LPA: variants seen among roughly 807,000 people sequenced by gnomAD.
LPA encodes lipoprotein(a).
LPA carries 199 observed loss-of-function variants against 197.9 expected under a neutral mutation model. That is an observed-to-expected ratio of 1.01 (90% CI 0.90 to 1.13). The LOEUF is 1.13. Among genes scored for constraint, LPA ranks in the 50% most tolerant of loss-of-function variants. The probability of loss-of-function intolerance (pLI) is 0.00; values close to 1 mark genes in which losing one functional copy is unlikely to be tolerated. For missense variants in LPA, 1,853 were observed against 1,785.8 expected, an observed-to-expected ratio of 1.04 and a Z score of -0.68; for synonymous variants, 715 against 639.5, an observed-to-expected ratio of 1.12 and a Z score of -1.78.
chr6:160,606,409 AGT>A, intron 17 of LPA, 66 bp downstream of exon 17: 2 of 1,575,080 alleles, frequency 1.3e-6, no homozygotes, highest in East Asian at 4.5e-5. Context: ...CTGCTGCATC[AGT>A]GGGAATTTCC....
chr6:160,566,329 C>A (rs1583582943), intron 28 of LPA, among the ~76,000 whole-genome samples: 1 of 151,656 alleles, frequency 6.6e-6, no homozygotes, highest in Admixed American at 6.6e-5. Context: ...AGAGTGGCAG[C>A]CAATATTCAA....
At chr6:160,583,377 G>C (rs1201547903) in intron 26 of LPA, among the ~76,000 whole-genome samples, 1 of 152,062 alleles carries the variant, frequency 6.6e-6, no homozygotes, top group African/African-American at 2.4e-5. Context: ...TTTAGACTTG[G>C]TTTCTAAGCT....
chr6:160,611,995 G>C (rs1319685330), intron 15 of LPA, among the ~76,000 whole-genome samples: 2 of 16,418 alleles, frequency 1.2e-4, no homozygotes, highest in Admixed American at 2.3e-3. Flanking sequence ...TGCAAAGTGC[G>C]CTCACGAAGT....
chr6:160,596,480 GCTTTT>G (rs1181458346), intron 20 of LPA, among the ~76,000 whole-genome samples: 91 of 151,840 alleles, frequency 6.0e-4, no homozygotes, highest in Non-Finnish European at 1.1e-3. Context: ...ATTCCAAAGA[GCTTTT>G]CTTTTTCAAA....
chr6:160,576,368 A>ATATATATATATATATATGTG, intron 28 of LPA, among the ~76,000 whole-genome samples: 1 of 7,232 alleles, frequency 1.4e-4, no homozygotes, highest in South Asian at 6.1e-3. Flanking sequence ...ATATATATAC[A>ATATATATATATATATATGTG]TATATATATA....
At chr6:160,564,388 C>T (rs1778413746) in intron 28 of LPA, among the ~76,000 whole-genome samples, 1 of 151,858 alleles carries the variant, frequency 6.6e-6, no homozygotes. Flanking sequence ...GTTGAATATT[C>T]TACATCTTTC....
At chr6:160,610,804 A>T (rs190800884) in intron 16 of LPA, among the ~76,000 whole-genome samples, 1 of 152,244 alleles carries the variant, frequency 6.6e-6, no homozygotes, top group Admixed American at 6.5e-5. Context: ...AAGAAAGCCA[A>T]GGCATCTATG....
In LPA at chr6:160,590,966, C is replaced by T. The variant is rs141195240; in HGVS notation, c.3765G>A (p.Thr1255=). The T allele has an allele frequency of 2.2e-4, 356 of 1,613,954 alleles. No homozygotes were observed. The East Asian group carries it at 3.6e-3, about 16-fold the overall frequency. ...TACCTTGTTCAGAAACAGCCGTGGA[C>T]GTCGCAAGGACACTTGATTCTGTCA... ...CPVTESSVLA[T]STAVSEQAPT... Residue 1255 remains threonine (T), a synonymous_variant, in exon 23 of 39, where the codon ACG becomes ACA. Transcript: ENST00000316300.
intron 28 of LPA, among the ~76,000 whole-genome samples, chr6:160,560,765 G>C (rs555537174): frequency 6.6e-6 from 1 of 152,010 alleles, no homozygotes; most frequent in Admixed American, 6.6e-5. Context: ...TTTTTGCTGT[G>C]CAGAAGCTCT....
At chr6:160,587,289 C>A (rs1351186457) in intron 24 of LPA, among the ~76,000 whole-genome samples, 1 of 152,176 alleles carries the variant, frequency 6.6e-6, no homozygotes, top group Non-Finnish European at 1.5e-5. Context: ...AAGAACCTAA[C>A]TTTCTGTTTC....
chr6:160,603,257 T>TGTGTGTGC (rs1221614109), intron 18 of LPA, among the ~76,000 whole-genome samples: 4 of 151,760 alleles, frequency 2.6e-5, no homozygotes, highest in South Asian at 2.1e-4. Flanking sequence ...TGTGTGTGTG[T>TGTGTGTGC]GTGCGTGCAT....
intron 34 of LPA, among the ~76,000 whole-genome samples, 154 bp from the exon 35 acceptor site, chr6:160,541,335 C>T (rs982379702): frequency 2.7e-5 from 4 of 146,840 alleles, no homozygotes; most frequent in South Asian, 2.1e-4. Context: ...GTAGAAACTT[C>T]GAGCTGTGCT....
intron 28 of LPA, among the ~76,000 whole-genome samples, chr6:160,569,021 T>C (rs1302595086): frequency 6.6e-6 from 1 of 152,124 alleles, no homozygotes; most frequent in East Asian, 1.9e-4. Context: ...TGCTCATGGA[T>C]AGGAAGAATC....
chr6:160,599,741 A>T, intron 19 of LPA, 82 bp from the exon 20 acceptor site: 1 of 1,469,586 alleles, frequency 6.8e-7, no homozygotes, highest in Non-Finnish European at 9.5e-7. Context: ...ATAAACCAAA[A>T]AAGAGTCACT....
rs1271854408 is a variant in LPA, at chr6:160,585,093, A to T, written c.4242T>A (p.Ser1414=). 1 of 1,613,752 alleles carries T rather than the reference A, an allele frequency of 6.2e-7. No individual in the cohort carries two copies. The highest frequency in any genetic ancestry group is 1.7e-5 in the Admixed American group (1 of 59,996). The change falls in exon 26 of 39, where the codon TCT becomes TCA. Residue 1414 remains serine, a synonymous_variant. Coordinates refer to ENST00000316300, the MANE Select transcript of LPA (RefSeq NM_005577.4). ...ITGRTCQSWS[S]MTPHWHRRIP... ...TCCTCCGATGCCAATGTGGTGTCAT[A>T]GACGACCAAGACTGACATGTTCTTC...
intron 28 of LPA, among the ~76,000 whole-genome samples, chr6:160,576,605 AT>A (rs1272759529): frequency 6.9e-6 from 1 of 145,580 alleles, no homozygotes; most frequent in Non-Finnish European, 1.5e-5. Context: ...TTATGCAAAA[AT>A]TTAAATATAA....
intron 16 of LPA, among the ~76,000 whole-genome samples, chr6:160,609,596 T>C (rs181076811): frequency 1.3e-5 from 2 of 152,248 alleles, no homozygotes; most frequent in South Asian, 2.1e-4. Flanking sequence ...TTCTTCATAA[T>C]TGAAAAGTTA....
intron 16 of LPA, among the ~76,000 whole-genome samples, chr6:160,610,077 A>C (rs540621780): frequency 6.6e-6 from 1 of 152,128 alleles, no homozygotes; most frequent in Non-Finnish European, 1.5e-5. Flanking sequence ...GATATGTCAA[A>C]TTTTCATGCA....
chr6:160,568,843 C>A (rs1778510776), intron 28 of LPA, among the ~76,000 whole-genome samples: 1 of 151,878 alleles, frequency 6.6e-6, no homozygotes, highest in Admixed American at 6.6e-5. Flanking sequence ...TACATGACTT[C>A]ATGTCCTTTG....
Sources: allele counts gnomAD v4.1 joint callset (sites outside exome capture counted in the v4.1 genomes callset), GRCh38; gene constraint gnomAD v4.1.1; transcripts MANE v1.5; gene names NCBI Gene and HGNC (gene_info 2026-07-23, HGNC 2026-07-21).